PUDP: variants seen among roughly 807,000 people sequenced by gnomAD.
PUDP encodes the protein pseudouridine 5'-phosphatase, also known as pseudouridine-5'-phosphatase.
In PUDP, 8 loss-of-function variants were observed where a neutral mutation model predicts 9.4. The ratio of observed to expected loss-of-function variants is 0.85; its 90% CI spans 0.50 to 1.53. The LOEUF is 1.53. Among genes scored for constraint, PUDP ranks in the 40% most tolerant of loss-of-function variants. The pLI, the probability that PUDP is intolerant of heterozygous loss-of-function variation, is 0.00. For missense variants in PUDP, 188 were observed against 189.7 expected, an observed-to-expected ratio of 0.99 and a Z score of 0.05; for synonymous variants, 99 against 80.7, an observed-to-expected ratio of 1.23 and a Z score of -1.22.
At chrX:6,777,899 G>A (rs1189216308) in intron 3 of PUDP, among the ~76,000 whole-genome samples, 12 of 111,849 alleles carry the variant, frequency 1.1e-4, no homozygotes, top group Non-Finnish European at 1.5e-4. Flanking sequence ...AAAAAGCCTC[G>A]GTTTTCTGTC....
intron 3 of PUDP, among the ~76,000 whole-genome samples, chrX:6,821,764 C>T (rs1926346093): frequency 2.7e-5 from 3 of 112,154 alleles, no homozygotes; most frequent in South Asian, 7.5e-4. Flanking sequence ...GGGTGAATGC[C>T]GGCAGCCATG....
At chrX:6,860,306 T>C (rs756112571) in intron 3 of PUDP, among the ~76,000 whole-genome samples, 6 of 110,116 alleles carry the variant, frequency 5.4e-5, no homozygotes, top group Non-Finnish European at 1.1e-4. Context: ...TTATTATTTT[T>C]ATTTTAATTT....
At chrX:6,963,115 C>T (rs1262749070) in intron 3 of PUDP, among the ~76,000 whole-genome samples, 1 of 112,410 alleles carries the variant, frequency 8.9e-6, no homozygotes, top group African/African-American at 3.2e-5. Context: ...ATTCAGGTAT[C>T]CAACTTGTCA....
intron 3 of PUDP, among the ~76,000 whole-genome samples, chrX:6,817,714 C>T (rs748158365): frequency 6.9e-4 from 77 of 111,173 alleles, no homozygotes; most frequent in African/African-American, 2.4e-3. Flanking sequence ...TTCTTTTCTC[C>T]GGGTCCACAC....
In PUDP at chrX:7,018,839, T is replaced by C. The variant is rs574970851; in HGVS notation, c.205-40496A>G. 3.0e-4 allele frequency among the ~76,000 whole-genome samples: 34 copies of C among 111,646 alleles called. 3 individuals are homozygous for C. In the South Asian group the frequency reaches 0.013, roughly 41 times the overall value. ...TCGGCATTCCCAGAAAGTTAGGTGTTCCTAGCCTCTAGATGTTTACAGTTA... is the reference window on the plus strand; with the variant it reads ...TCGGCATTCCCAGAAAGTTAGGTGTCCCTAGCCTCTAGATGTTTACAGTTA... On this transcript the variant is annotated intron_variant and NMD_transcript_variant, in intron 1 of 3. Coordinates refer to the PUDP transcript ENST00000655425.
intron 2 of PUDP, among the ~76,000 whole-genome samples, chrX:7,088,578 T>C (rs1602769294): frequency 8.9e-6 from 1 of 112,131 alleles, no homozygotes; most frequent in Middle Eastern, 4.6e-3. Flanking sequence ...GGTGTACTGA[T>C]CCTTGATCCT....
intron 1 of PUDP, among the ~76,000 whole-genome samples, chrX:7,028,076 TTTA>T (rs1250180152): frequency 6.6e-5 from 7 of 106,435 alleles, no homozygotes; most frequent in Non-Finnish European, 1.2e-4. Flanking sequence ...ACTCATAGAC[TTTA>T]TTATTGTTTG....
intron 3 of PUDP, among the ~76,000 whole-genome samples, chrX:6,778,422 G>T (rs764219996): frequency 8.0e-5 from 9 of 112,516 alleles, no homozygotes; most frequent in South Asian, 3.7e-4. Flanking sequence ...AAGCTCCCAA[G>T]GCCAGCCACC....
chrX:6,898,289 G>A (rs764842407), intron 3 of PUDP, among the ~76,000 whole-genome samples: 2 of 112,704 alleles, frequency 1.8e-5, no homozygotes, highest in Non-Finnish European at 3.7e-5. Context: ...AATAACACCT[G>A]GCCATCTTTC....
intron 3 of PUDP, among the ~76,000 whole-genome samples, chrX:7,064,955 T>C (rs1188045332): frequency 8.9e-6 from 1 of 111,846 alleles, no homozygotes; most frequent in Non-Finnish European, 1.9e-5. Flanking sequence ...AAACTATCAC[T>C]TGCTGAATTC....
intron 3 of PUDP, among the ~76,000 whole-genome samples, chrX:6,912,156 C>T (rs1927859355): frequency 9.0e-6 from 1 of 111,506 alleles, no homozygotes; most frequent in African/African-American, 3.2e-5. Context: ...TTTTTAAATA[C>T]TGCTGTATTT....
intron 3 of PUDP, among the ~76,000 whole-genome samples, chrX:7,071,264 T>C (rs1402588708): frequency 9.0e-6 from 1 of 111,546 alleles, no homozygotes; most frequent in East Asian, 2.8e-4. Context: ...TTGACATTAC[T>C]TATTTTTTTC....
intron 3 of PUDP, among the ~76,000 whole-genome samples, chrX:6,907,715 G>A (rs1014275568): frequency 8.1e-5 from 9 of 111,487 alleles, no homozygotes; most frequent in African/African-American, 2.9e-4. Context: ...TAACTCAATG[G>A]AAATACAAGT....
rs868331870 is a variant in PUDP, at chrX:7,050,135, C to A, written c.*161G>T. The A allele has an allele frequency of 2.1e-6, 1 of 473,001 alleles. No homozygotes were observed. Among genetic ancestry groups the A allele is most frequent in the South Asian group, 5.1e-5 (1 of 19,752 alleles). The allele number at this position is 473,001 out of a possible 1,213,427, so 39.0% of individuals were successfully genotyped here. On this transcript the variant is annotated 3_prime_UTR_variant, in exon 4 of 4. Transcript: ENST00000381077. Reference sequence around the variant, plus strand: ...ACCGTCAAGTCACATTTTATCAACACGTTAGACTGGGACAAACCAACATGG... The same window carrying A: ...ACCGTCAAGTCACATTTTATCAACAAGTTAGACTGGGACAAACCAACATGG...
chrX:7,125,063 G>A (rs751360677), intron 1 of PUDP, among the ~76,000 whole-genome samples: 49 of 108,468 alleles, frequency 4.5e-4, no homozygotes, highest in Admixed American at 1.4e-3. Context: ...ACTTTTAAAC[G>A]TTTCATTCAC....
intron 3 of PUDP, among the ~76,000 whole-genome samples, chrX:6,847,044 C>T (rs1344859097): frequency 9.0e-6 from 1 of 111,657 alleles, no homozygotes; most frequent in Non-Finnish European, 1.9e-5. Context: ...TTCATAAAAC[C>T]CTTTAAAGAT....
chrX:6,891,648 G>A (rs773268251), intron 3 of PUDP, among the ~76,000 whole-genome samples: 6 of 111,898 alleles, frequency 5.4e-5, no homozygotes, highest in Non-Finnish European at 5.6e-5. Flanking sequence ...CCTTGCACAA[G>A]CCATTGCCCT....
At position 6,996,585 on chromosome X, in the gene PUDP, T is replaced by G. The variant is rs746057226; in HGVS notation, c.205-18242A>C. 3.4e-4 allele frequency among the ~76,000 whole-genome samples: 37 copies of G among 107,994 alleles called. 1 individual carries two copies. Among genetic ancestry groups the G allele is most frequent in the African/African-American group, 1.1e-3 (34 of 29,828 alleles). 93.8% of individuals were successfully genotyped at this position (107,994 alleles called of 115,157 possible). A position where few individuals can be genotyped will look rare whatever the true frequency, so the allele number is the denominator to read the frequency against. On this transcript the variant is annotated intron_variant and NMD_transcript_variant, in intron 1 of 3. Transcript: ENST00000655425. ...ATATATATACACATATATATGTATA[T>G]ATATACATTTTTATACATACATATG... is the stretch of plus-strand genomic sequence containing the variant.
intron 3 of PUDP, among the ~76,000 whole-genome samples, chrX:6,869,592 C>A (rs1043238043): frequency 3.6e-5 from 4 of 111,372 alleles, no homozygotes; most frequent in African/African-American, 1.3e-4. Flanking sequence ...AGGGAGAGCT[C>A]CTTTGGCCTT....
Sources: gnomAD v4.1 joint callset for allele counts (sites outside exome capture counted in the v4.1 genomes callset) on GRCh38, gnomAD v4.1.1 for gene constraint, MANE v1.5 for transcripts, NCBI Gene and HGNC (gene_info 2026-07-23, HGNC 2026-07-21) for gene names.